Variants in HELZ observed in about 807,000 individuals in gnomAD.
The protein encoded by HELZ is ATP-dependent RNA helicase with zinc finger domain.
A neutral mutation model predicts 218.2 loss-of-function variants in HELZ; 23 were observed. The observed-to-expected ratio is 0.11, with a 90% CI of 0.08 to 0.15. HELZ has a LOEUF of 0.15. Ranked by LOEUF, HELZ falls within the 10% of genes least tolerant of loss-of-function variation. The pLI, the probability that HELZ is intolerant of heterozygous loss-of-function variation, is 1.00. For missense variants in HELZ, 1,813 were observed against 2,353.7 expected (o/e 0.77, Z 4.75); for synonymous variants, 814 against 829.4 (o/e 0.98, Z 0.32).
In HELZ at chr17:67,178,662, C is replaced by T. The variant is rs886598986; in HGVS notation, c.1427G>A (p.Ser476Asn). 1.2e-6 allele frequency: 2 copies of T among 1,600,618 alleles called. No individual in the cohort carries two copies. Among genetic ancestry groups the T allele is most frequent in the Non-Finnish European group, 1.7e-6 (2 of 1,174,026 alleles). ...IEEIAQYKEI[S>N]KFNLKVQLQI... ...AAGTGTTTCTAAAGTAACTTACTTG[C>T]TGATTTCTTTATACTGGGCTATCTC... Residue 476 changes from serine to asparagine, a missense_variant, in exon 13 of 33, where the codon AGC (serine) becomes AAC (asparagine). Ser to Asn is a conservative substitution (Grantham distance 46, BLOSUM62 1). Around this residue, in one of 4 missense-constraint regions of HELZ, gnomAD observed 714 missense variants for 1,029.2 expected, o/e 0.69. Transcript: ENST00000358691.
intron 22 of HELZ, among the ~76,000 whole-genome samples, chr17:67,136,979 T>C (rs1392042063): frequency 6.6e-6 from 1 of 152,208 alleles, no homozygotes; most frequent in African/African-American, 2.4e-5. Context: ...AAAAAATTTT[T>C]TTTAATGATA....
At chr17:67,181,518 C>T (rs912931888) in intron 12 of HELZ, among the ~76,000 whole-genome samples, 8 of 152,156 alleles carry the variant, frequency 5.3e-5, no homozygotes, top group African/African-American at 1.9e-4. Flanking sequence ...AAATATCACA[C>T]ATACTTCATA....
intron 3 of HELZ, among the ~76,000 whole-genome samples, 151 bp downstream of exon 3, chr17:67,239,282 T>C (rs1050509489): frequency 6.6e-6 from 1 of 152,248 alleles, no homozygotes; most frequent in Non-Finnish European, 1.5e-5. Context: ...TCATTCAGTC[T>C]GTTCCAGAAG....
At chr17:67,172,795 G>A (rs2039350512) in intron 13 of HELZ, among the ~76,000 whole-genome samples, 2 of 152,146 alleles carry the variant, frequency 1.3e-5, no homozygotes, top group African/African-American at 4.8e-5. Flanking sequence ...TTGTAGAGAT[G>A]GGGTCTCGCC....
intron 21 of HELZ, among the ~76,000 whole-genome samples, chr17:67,140,616 T>G (rs2038293136): frequency 6.6e-6 from 1 of 152,040 alleles, no homozygotes; most frequent in African/African-American, 2.4e-5. Flanking sequence ...AACATGCATC[T>G]GATGGGAGAA....
rs886598986 is a variant in HELZ at position 67,178,662 on chromosome 17, C to A, written c.1427G>T (p.Ser476Ile). 1 of 1,600,618 alleles carries A rather than the reference C, an allele frequency of 6.2e-7. No homozygotes were observed. Among genetic ancestry groups the A allele is most frequent in the South Asian group, 1.1e-5 (1 of 88,468 alleles). ...AAGTGTTTCTAAAGTAACTTACTTGCTGATTTCTTTATACTGGGCTATCTC... is the reference window on the plus strand; with the variant it reads ...AAGTGTTTCTAAAGTAACTTACTTGATGATTTCTTTATACTGGGCTATCTC... ...IEEIAQYKEI[S>I]KFNLKVQLQI... The change falls in exon 13 of 33, where the codon AGC becomes ATC. Residue 476 changes from serine to isoleucine, a missense_variant. By Grantham distance (142) the Ser-to-Ile change is moderately radical. This residue lies in a region of HELZ where 714 missense variants were observed against 1,029.2 expected (regional missense o/e 0.69). Coordinates refer to ENST00000358691, the MANE Select transcript of HELZ (RefSeq NM_014877.4).
chr17:67,142,579 G>A lies in HELZ; in HGVS notation c.2769+3164C>T, dbSNP rs187966123. ...AAAAATCAAGATCCAATAATATGCT[G>A]TCTATAGAATATGCACTTTAGATTC... On this transcript the variant is annotated intron_variant, in intron 21 of 32. Transcript: ENST00000358691. 1.2e-3 allele frequency among the ~76,000 whole-genome samples: 183 copies of A among 152,098 alleles called. 1 individual carries two copies. Among genetic ancestry groups the A allele is most frequent in the African/African-American group, 4.3e-3 (178 of 41,476 alleles).
chr17:67,211,447 T>G (rs370788216), intron 5 of HELZ, among the ~76,000 whole-genome samples: 23 of 152,330 alleles, frequency 1.5e-4, no homozygotes, highest in Admixed American at 5.9e-4. Flanking sequence ...CTTAAATATT[T>G]CAGAAAAAAT....
At chr17:67,185,689 A>T (rs773968808) in intron 12 of HELZ, among the ~76,000 whole-genome samples, 16 of 152,320 alleles carry the variant, frequency 1.1e-4, no homozygotes, top group South Asian at 2.1e-4. Context: ...CTTTGTCTTT[A>T]AACAAATTTC....
At chr17:67,242,195 C>A (rs933935560) in intron 2 of HELZ, among the ~76,000 whole-genome samples, 3 of 152,306 alleles carry the variant, frequency 2.0e-5, no homozygotes, top group South Asian at 2.1e-4. Flanking sequence ...GCGGGCAGAT[C>A]ACCTGAGGTC....
At chr17:67,151,343 T>A (rs1192885799) in intron 17 of HELZ, 119 bp from the exon 18 acceptor site, 1 of 800,264 alleles carries the variant, frequency 1.2e-6, no homozygotes, top group Non-Finnish European at 2.0e-6. Flanking sequence ...CAAATGAATC[T>A]GGTAACCGTT....
chr17:67,188,273 T>C lies in HELZ; in HGVS notation c.1162+46A>G, dbSNP rs375803413. 6 of 1,523,152 alleles carry C rather than the reference T, an allele frequency of 3.9e-6. No individual in the cohort carries two copies. The African/African-American group carries it at 6.9e-5, about 17-fold the overall frequency. 94.4% of individuals were successfully genotyped at this position (1,523,152 alleles called of 1,614,324 possible). A position where few individuals can be genotyped will look rare whatever the true frequency, so the allele number is the denominator to read the frequency against. Reference sequence around the variant, plus strand: ...AGGGGCCAATACATATCTTTGAATGTTGCTTTTTAACACATTGTATCGGGG... The same window carrying C: ...AGGGGCCAATACATATCTTTGAATGCTGCTTTTTAACACATTGTATCGGGG... On this transcript the variant is annotated intron_variant, in intron 12 of 32. Transcript: ENST00000358691. The surrounding 1 kb of genome is among the most constrained non-coding windows in gnomAD (Gnocchi z 4.1).
rs141297757 is a variant in HELZ, at chr17:67,094,549, G to A, written c.5242-7468C>T. ...ATAATGTGAGTCACGTAAATTTTTT[G>A]GTTTTCCAGTGCATATAAAAATTAT... On this transcript the variant is annotated intron_variant, in intron 31 of 32. Coordinates refer to ENST00000358691, the MANE Select transcript of HELZ (RefSeq NM_014877.4). 2.7e-3 allele frequency among the ~76,000 whole-genome samples: 418 copies of A among 152,080 alleles called. 6 individuals are homozygous for A. Among genetic ancestry groups the A allele is most frequent in the Non-Finnish European group, 1.7e-3 (117 of 67,984 alleles).
intron 32 of HELZ, among the ~76,000 whole-genome samples, chr17:67,084,651 A>C (rs2036303677): frequency 8.0e-6 from 1 of 124,562 alleles, no homozygotes; most frequent in Admixed American, 8.4e-5. Flanking sequence ...CGACAGAGCG[A>C]GACTCCGTCT....
intron 32 of HELZ, among the ~76,000 whole-genome samples, chr17:67,085,976 AGAATAAAG>A: frequency 6.6e-6 from 1 of 152,168 alleles, no homozygotes; most frequent in Admixed American, 6.5e-5. Flanking sequence ...ACAGTTTATT[AGAATAAAG>A]GAATAAACAA....
intron 5 of HELZ, among the ~76,000 whole-genome samples, chr17:67,214,154 T>C (rs2040529110): frequency 6.6e-6 from 1 of 152,070 alleles, no homozygotes; most frequent in Non-Finnish European, 1.5e-5. Context: ...AAGAAAATTC[T>C]ACTAGATATC....
intron 15 of HELZ, among the ~76,000 whole-genome samples, chr17:67,161,619 G>A (rs2038996524): frequency 6.6e-6 from 1 of 152,166 alleles, no homozygotes; most frequent in South Asian, 2.1e-4. Context: ...AGATCTTAAT[G>A]TAGAAAATAT....
chr17:67,175,984 T>G (rs1395208982), intron 13 of HELZ, among the ~76,000 whole-genome samples: 1 of 152,206 alleles, frequency 6.6e-6, no homozygotes, highest in Non-Finnish European at 1.5e-5. Flanking sequence ...ATCTTACCAC[T>G]GCCGTACCAC....
chr17:67,172,269 C>T (rs2039334847), intron 13 of HELZ, among the ~76,000 whole-genome samples: 1 of 152,152 alleles, frequency 6.6e-6, no homozygotes, highest in South Asian at 2.1e-4. Flanking sequence ...GTGCCTCTTC[C>T]ATGGGGCCCT....
Sources: gnomAD v4.1 joint callset for allele counts (sites outside exome capture counted in the v4.1 genomes callset) on GRCh38, gnomAD v4.1.1 for gene constraint, gnomAD v4.1.1 regional missense constraint, Gnocchi (gnomAD v3.1) non-coding constraint, MANE v1.5 for transcripts, NCBI Gene and HGNC (gene_info 2026-07-23, HGNC 2026-07-21) for gene names.